The following USP6 variants were observed in gnomAD, a reference collection of about 807,000 sequenced individuals.
The protein encoded by USP6 is ubiquitin specific peptidase 6, also known as ubiquitin carboxyl-terminal hydrolase 6.
USP6 carries 128 observed loss-of-function variants against 175.7 expected under a neutral mutation model. That is an observed-to-expected ratio of 0.73 (90% CI 0.63 to 0.84). USP6 has a LOEUF of 0.84. Ranked by LOEUF, USP6 falls within the 40% of genes least tolerant of loss-of-function variation. USP6 has a pLI of 0.00. For synonymous variants in USP6, 562 were observed against 630.6 expected (o/e 0.89, Z 1.63); for missense variants, 1,498 against 1,760.3 (o/e 0.85, Z 2.67).
intron 2 of USP6, among the ~76,000 whole-genome samples, chr17:5,118,746 C>T (rs1174643416): frequency 2.0e-5 from 3 of 152,198 alleles, no homozygotes; most frequent in Non-Finnish European, 4.4e-5. Flanking sequence ...CAGTGGCTCT[C>T]AGCGGAGAGG....
chr17:5,126,764 C>T (rs12950855), intron 6 of USP6: 149,540 of 152,364 alleles, frequency 0.98, 73,465 homozygotes, highest in East Asian at 1. Context: ...ACGTGGACGG[C>T]TGGACACAGG....
intron 4 of USP6, among the ~76,000 whole-genome samples, chr17:5,122,143 G>A (rs567666636): frequency 2.6e-5 from 4 of 150,956 alleles, no homozygotes; most frequent in East Asian, 3.9e-4. Flanking sequence ...AGGGTGGGTC[G>A]GTGGGGTGGC....
chr17:5,162,030 T>G (rs1252647378), intron 32 of USP6, among the ~76,000 whole-genome samples: 4 of 152,212 alleles, frequency 2.6e-5, no homozygotes, highest in African/African-American at 4.8e-5. Context: ...GTTTTTCACT[T>G]CCTTTTGAGG....
Position 5,120,791 on chromosome 17 carries a change from G to A in USP6, c.-1675+3G>A. On this transcript the variant is annotated splice_donor_region_variant and intron_variant, in intron 3 of 37. Transcript: ENST00000574788. The stretch of plus-strand genomic sequence containing the variant: ...CCAAGGGCTGTTTCTTCAGCATGGT[G>A]GGTGGCCATATGTAAGCAGGTGTGC... 1 of 449,480 alleles carries A rather than the reference G, an allele frequency of 2.2e-6. No homozygotes were observed. The highest frequency in any genetic ancestry group is 4.5e-6 in the Non-Finnish European group (1 of 224,072). 27.8% of individuals were successfully genotyped at this position (449,480 alleles called of 1,614,324 possible). A position where few individuals can be genotyped will look rare whatever the true frequency, so the allele number is the denominator to read the frequency against.
In USP6 at chr17:5,120,348, G is replaced by A. The variant is rs375122055; in HGVS notation, c.-1836-279G>A. On this transcript the variant is annotated intron_variant, in intron 2 of 37. Coordinates refer to ENST00000574788, the MANE Select transcript of USP6 (RefSeq NM_001304284.2). Reference sequence around the variant, plus strand: ...GTGGTCATCCTCCACTGTGCTGGGGGGTTGTTATCTCTCAGGGCTTAGCAC... The same window carrying A: ...GTGGTCATCCTCCACTGTGCTGGGGAGTTGTTATCTCTCAGGGCTTAGCAC... Among the ~76,000 whole-genome samples, 36 of 152,200 alleles carry A rather than the reference G, an allele frequency of 2.4e-4. 1 individual carries two copies. Among genetic ancestry groups the A allele is most frequent in the African/African-American group, 7.0e-4 (29 of 41,514 alleles).
intron 20 of USP6, 144 bp from the exon 21 acceptor site, chr17:5,137,977 C>G (rs564972251): frequency 6.5e-7 from 1 of 1,528,906 alleles, no homozygotes; most frequent in Non-Finnish European, 8.8e-7. Flanking sequence ...ACCCCCCAGC[C>G]ACAGTCTCCT....
chr17:5,122,668 C>T (rs1314301494), intron 4 of USP6, among the ~76,000 whole-genome samples: 1 of 152,206 alleles, frequency 6.6e-6, no homozygotes, highest in African/African-American at 2.4e-5. Flanking sequence ...CACAGCTCCG[C>T]CCTTCCCGGG....
chr17:5,168,065 G>A lies in USP6; in HGVS notation c.3170G>A (p.Cys1057Tyr). 1 of 1,611,946 alleles carries A rather than the reference G, an allele frequency of 6.2e-7. No homozygotes were observed. Among genetic ancestry groups the A allele is most frequent in the Non-Finnish European group, 8.5e-7 (1 of 1,179,804 alleles). The change falls in exon 34 of 38, where the codon TGT (cysteine) becomes TAT (tyrosine). Residue 1057 changes from cysteine (C) to tyrosine (Y), a missense_variant. Physicochemically the swap from Cys to Tyr is radical, Grantham distance 194. Coordinates refer to ENST00000574788, the MANE Select transcript of USP6 (RefSeq NM_001304284.2). ...AGTGAGATGTACTACTGTTCCAAGT[G>A]TAAGACCCACTGCTTAGCAACAAAG... The part of the protein sequence containing the change: ...GESEMYYCSK[C>Y]KTHCLATKKL...
rs145222167 is a variant in USP6, at chr17:5,167,371, T to C, written c.3037-561T>C. 4.9e-3 allele frequency among the ~76,000 whole-genome samples: 749 copies of C among 152,350 alleles called. 5 individuals are homozygous for C. Among genetic ancestry groups the C allele is most frequent in the African/African-American group, 0.017 (692 of 41,584 alleles). ...AAATAAATTCAATTCTTTTTGTTTT[T>C]GTCATTTTGAAGCATTCAAAAATCT... is the stretch of plus-strand genomic sequence containing the variant. On this transcript the variant is annotated intron_variant, in intron 33 of 37. Coordinates refer to ENST00000574788, the MANE Select transcript of USP6 (RefSeq NM_001304284.2).
intron 34 of USP6, 104 bp downstream of exon 34, chr17:5,168,227 G>A: frequency 7.4e-7 from 1 of 1,358,270 alleles, no homozygotes; most frequent in Non-Finnish European, 9.9e-7. Context: ...GACTTTTCCT[G>A]CAGCAGTGTT....
In USP6 at chr17:5,170,644, G is replaced by A; in HGVS notation, c.3683G>A (p.Ser1228Asn). 1 of 1,613,856 alleles carries A rather than the reference G, an allele frequency of 6.2e-7. No homozygotes were observed. The highest frequency in any genetic ancestry group is 1.1e-5 in the South Asian group (1 of 91,058). ...AGTAGTAAGAAGAACTTGGATGCCAGCAAAGAGAATGGGGCTGGGCAGATC... is the reference window on the plus strand; with the variant it reads ...AGTAGTAAGAAGAACTTGGATGCCAACAAAGAGAATGGGGCTGGGCAGATC... ...PSSSKKNLDASKENGAGQICE... is the reference protein window; with the variant it reads ...PSSSKKNLDANKENGAGQICE... The change falls in exon 36 of 38, where the codon AGC becomes AAC. Residue 1228 changes from serine to asparagine, a missense_variant. Ser to Asn is a conservative substitution (Grantham distance 46, BLOSUM62 1). This residue lies in a region of USP6 where 1,217 missense variants were observed against 1,500.8 expected (regional missense o/e 0.81). Coordinates refer to ENST00000574788, the MANE Select transcript of USP6 (RefSeq NM_001304284.2).
chr17:5,168,072 C>G lies in USP6; in HGVS notation c.3177C>G (p.Thr1059=), dbSNP rs1456587550. Residue 1059 remains threonine, a synonymous_variant, in exon 34 of 38, where the codon ACC becomes ACG. Coordinates refer to ENST00000574788, the MANE Select transcript of USP6 (RefSeq NM_001304284.2). ...TGTACTACTGTTCCAAGTGTAAGACCCACTGCTTAGCAACAAAGAAGCTGG... is the reference window on the plus strand; with the variant it reads ...TGTACTACTGTTCCAAGTGTAAGACGCACTGCTTAGCAACAAAGAAGCTGG... The part of the protein sequence containing the change: ...SEMYYCSKCK[T]HCLATKKLDL... 1 of 1,611,698 alleles carries G rather than the reference C, an allele frequency of 6.2e-7. No homozygotes were observed. The highest frequency in any genetic ancestry group is 1.3e-5 in the African/African-American group (1 of 74,956).
chr17:5,130,111 T>G, intron 9 of USP6, 22 bp downstream of exon 9: 3 of 494,832 alleles, frequency 6.1e-6, no homozygotes, highest in East Asian at 3.6e-5. Flanking sequence ...TTTCATGGCA[T>G]ATGGGGACAA....
chr17:5,123,196 G>GGGAAGTAGC (rs1304521471), intron 4 of USP6: 2 of 152,556 alleles, frequency 1.3e-5, no homozygotes, highest in Admixed American at 1.3e-4. Context: ...CGGGAAGTGG[G>GGGAAGTAGC]GGAAGTAGCC....
chr17:5,141,292 T>C lies in USP6; in HGVS notation c.1499-133T>C, dbSNP rs532968569. 8.3e-6 allele frequency: 6 copies of C among 725,972 alleles called. No individual in the cohort carries two copies. In the African/African-American group the frequency reaches 9.2e-5, roughly 11 times the overall value. The allele number at this position is 725,972 out of a possible 1,614,324, so 45.0% of individuals were successfully genotyped here. ...TGTAACCTCATCATTAAGCAATGCA[T>C]GTACTAAAATTAGCTAGATTTTAAA... On this transcript the variant is annotated intron_variant, in intron 22 of 37. Coordinates refer to ENST00000574788, the MANE Select transcript of USP6 (RefSeq NM_001304284.2).
chr17:5,171,774 A>G (rs2074223550), intron 37 of USP6, 95 bp downstream of exon 37: 18 of 1,311,916 alleles, frequency 1.4e-5, no homozygotes, highest in Non-Finnish European at 1.5e-5. Context: ...TAGGAAATAG[A>G]TATTTCTGTT....
At position 5,168,935 on chromosome 17, in the gene USP6, C is replaced by A. The variant is rs746410833; in HGVS notation, c.3397C>A (p.Pro1133Thr). 4 of 1,613,816 alleles carry A rather than the reference C, an allele frequency of 2.5e-6. No individual in the cohort carries two copies. The African/African-American group carries it at 5.3e-5, about 22-fold the overall frequency. Residue 1133 changes from proline to threonine, a missense_variant, in exon 35 of 38, where the codon CCC becomes ACC. Around this residue, in one of 2 missense-constraint regions of USP6, gnomAD observed 1,217 missense variants for 1,500.8 expected, o/e 0.81. Transcript: ENST00000574788. Reference sequence around the variant, plus strand: ...ACCCCAGGGGGATGAGCTCTCCAAGCCCAGGATTCTGGCAAGAGAGGTGAA... The same window carrying A: ...ACCCCAGGGGGATGAGCTCTCCAAGACCAGGATTCTGGCAAGAGAGGTGAA... ...LTPQGDELSK[P>T]RILAREVKKV...
In USP6 at chr17:5,145,389, T is replaced by C. The variant is rs546259424; in HGVS notation, c.1993-16T>C. 1.3e-6 allele frequency: 2 copies of C among 1,556,120 alleles called. No homozygotes were observed. Among genetic ancestry groups the C allele is most frequent in the Non-Finnish European group, 1.7e-6 (2 of 1,153,368 alleles). On this transcript the variant is annotated splice_polypyrimidine_tract_variant and intron_variant, in intron 26 of 37. Coordinates refer to ENST00000574788, the MANE Select transcript of USP6 (RefSeq NM_001304284.2). ...TTTGGATTTTGAGAGAAAATTCTCA[T>C]CTTTTTTATTGCTAGGCCTGGGACA...
rs1567819859 is a variant in USP6, at chr17:5,173,697, A to T, written c.*719A>T. 1.4e-5 allele frequency: 3 copies of T among 218,056 alleles called. No homozygotes were observed. The East Asian group carries it at 2.0e-4, about 15-fold the overall frequency. 13.5% of individuals were successfully genotyped at this position (218,056 alleles called of 1,614,324 possible). On this transcript the variant is annotated 3_prime_UTR_variant, in exon 38 of 38. Coordinates refer to ENST00000574788, the MANE Select transcript of USP6 (RefSeq NM_001304284.2). ...GAAAAACATCCTGGGAAATCCAGCTACCAGGGCCCTCCCAGTGGAGGCATC... is the reference window on the plus strand; with the variant it reads ...GAAAAACATCCTGGGAAATCCAGCTTCCAGGGCCCTCCCAGTGGAGGCATC...
Sources: allele counts gnomAD v4.1 joint callset (sites outside exome capture counted in the v4.1 genomes callset), GRCh38; gene constraint gnomAD v4.1.1; regional missense constraint gnomAD v4.1.1; transcripts MANE v1.5; gene names NCBI Gene and HGNC (gene_info 2026-07-23, HGNC 2026-07-21).